The following ATRNL1 variants were observed in gnomAD, a reference collection of about 807,000 sequenced individuals.
ATRNL1 encodes attractin-like protein 1.
ATRNL1 carries 95 observed loss-of-function variants against 182.7 expected under a neutral mutation model. The ratio of observed to expected loss-of-function variants is 0.52; its 90% CI spans 0.44 to 0.62. ATRNL1 has a LOEUF of 0.62. Ranked by LOEUF, ATRNL1 falls within the 20% of genes least tolerant of loss-of-function variation. ATRNL1 has a pLI of 0.00. For synonymous variants in ATRNL1, 576 were observed against 568.3 expected, an observed-to-expected ratio of 1.01 and a Z score of -0.19; for missense variants, 1,471 against 1,679.5, an observed-to-expected ratio of 0.88 and a Z score of 2.17.
chr10:115,185,243 T>C (rs1847898135), intron 8 of ATRNL1, among the ~76,000 whole-genome samples: 3 of 152,046 alleles, frequency 2.0e-5, no homozygotes, highest in Admixed American at 6.6e-5. Context: ...GTGAGCACAC[T>C]GAGCACTCGT....
chr10:115,237,042 C>A (rs1554901595), intron 9 of ATRNL1, among the ~76,000 whole-genome samples: 1 of 152,234 alleles, frequency 6.6e-6, no homozygotes, highest in East Asian at 1.9e-4. Flanking sequence ...TAGCAATAAG[C>A]ATTTAAAGTT....
chr10:115,397,449 T>C (rs1249113218), intron 20 of ATRNL1, among the ~76,000 whole-genome samples: 2 of 152,012 alleles, frequency 1.3e-5, no homozygotes, highest in African/African-American at 4.8e-5. Flanking sequence ...ATTTCTTTTC[T>C]TGCATTATTT....
At chr10:115,537,029 G>C (rs1341150467) in intron 25 of ATRNL1, among the ~76,000 whole-genome samples, 5 of 152,156 alleles carry the variant, frequency 3.3e-5, no homozygotes, top group Admixed American at 6.5e-5. Context: ...CTGAAGATAT[G>C]GATTTTGCTA....
At chr10:115,100,159 C>T (rs961211114) in intron 1 of ATRNL1, among the ~76,000 whole-genome samples, 1 of 151,984 alleles carries the variant, frequency 6.6e-6, no homozygotes, top group South Asian at 2.1e-4. Context: ...CTGGTCGTGG[C>T]GGTGTGCGCA....
intron 26 of ATRNL1, among the ~76,000 whole-genome samples, chr10:115,684,448 G>T (rs1565283346): frequency 2.1e-5 from 3 of 143,166 alleles, no homozygotes; most frequent in East Asian, 2.0e-4. Flanking sequence ...AAAAGTTTCT[G>T]TTTTTTTTTT....
At chr10:115,629,124 A>G (rs17093384) in intron 26 of ATRNL1, among the ~76,000 whole-genome samples, 8,156 of 152,224 alleles carry the variant, frequency 0.054, 700 homozygotes, top group African/African-American at 0.18. Context: ...CATTATCCAC[A>G]ATGTTTTTAA....
At chr10:115,650,829 T>G (rs2133880531) in intron 26 of ATRNL1, among the ~76,000 whole-genome samples, 1 of 152,248 alleles carries the variant, frequency 6.6e-6, no homozygotes, top group African/African-American at 2.4e-5. Flanking sequence ...ATTTTTTCCT[T>G]ATTGACTTGT....
intron 12 of ATRNL1, among the ~76,000 whole-genome samples, chr10:115,267,794 GAC>G (rs1229210477): frequency 1.3e-5 from 2 of 151,894 alleles, no homozygotes; most frequent in East Asian, 1.9e-4. Flanking sequence ...TATTTTTTGA[GAC>G]AGAGTCTCAC....
At chr10:115,715,457 A>C (rs1340943817) in intron 26 of ATRNL1, among the ~76,000 whole-genome samples, 1 of 152,184 alleles carries the variant, frequency 6.6e-6, no homozygotes, top group Non-Finnish European at 1.5e-5. Flanking sequence ...CTGGAATATG[A>C]AAAAGCAATA....
chr10:115,325,486 T>C (rs1421066181), intron 18 of ATRNL1, among the ~76,000 whole-genome samples: 1 of 152,222 alleles, frequency 6.6e-6, no homozygotes, highest in Non-Finnish European at 1.5e-5. Flanking sequence ...CCATATTAGT[T>C]ATAAGGTGTG....
chr10:115,734,591 C>G (rs903587876), intron 27 of ATRNL1, among the ~76,000 whole-genome samples: 5 of 151,924 alleles, frequency 3.3e-5, no homozygotes, highest in Admixed American at 3.3e-4. Context: ...CGATATCTTT[C>G]TTCATCTTTC....
At position 115,121,765 on chromosome 10, in the gene ATRNL1, T is replaced by C; in HGVS notation, c.444T>C (p.Tyr148=). The change falls in exon 3 of 29, where the codon TAT becomes TAC. Residue 148 remains tyrosine, a synonymous_variant. Coordinates refer to ENST00000355044, the MANE Select transcript of ATRNL1 (RefSeq NM_207303.4). ...FATECSWDHM[Y]VYDGDSIYAP... Reference sequence around the variant, plus strand: ...CAGAATGTAGCTGGGATCATATGTATGTTTATGATGGAGATTCAATATATG... The same window carrying C: ...CAGAATGTAGCTGGGATCATATGTACGTTTATGATGGAGATTCAATATATG... 1.3e-6 allele frequency: 2 copies of C among 1,576,008 alleles called. No individual in the cohort carries two copies. The highest frequency in any genetic ancestry group is 1.7e-6 in the Non-Finnish European group (2 of 1,158,606).
intron 26 of ATRNL1, among the ~76,000 whole-genome samples, chr10:115,632,915 C>G: frequency 1.6e-5 from 1 of 64,084 alleles, no homozygotes; most frequent in Middle Eastern, 6.5e-3. Context: ...TTTTTTGAGA[C>G]AGAGTCTCAC....
intron 25 of ATRNL1, among the ~76,000 whole-genome samples, chr10:115,530,239 T>C (rs1255084086): frequency 6.6e-6 from 1 of 152,188 alleles, no homozygotes; most frequent in Non-Finnish European, 1.5e-5. Context: ...AAGTATATAA[T>C]TAGGAGTAGA....
intron 8 of ATRNL1, among the ~76,000 whole-genome samples, chr10:115,171,565 G>A (rs1847296208): frequency 6.6e-6 from 1 of 151,956 alleles, no homozygotes; most frequent in South Asian, 2.1e-4. Flanking sequence ...TGAAATTCCA[G>A]TAGGTGGTGC....
intron 26 of ATRNL1, among the ~76,000 whole-genome samples, chr10:115,577,610 T>TTGTGTG (rs3981280): frequency 0.11 from 14,786 of 134,854 alleles, 945 homozygotes; most frequent in Non-Finnish European, 0.14. Flanking sequence ...TTCTAACAGG[T>TTGTGTG]TGTGTGTGTG....
chr10:115,342,295 C>CT (rs1183301277), intron 19 of ATRNL1, among the ~76,000 whole-genome samples: 21 of 151,206 alleles, frequency 1.4e-4, no homozygotes, highest in Middle Eastern at 3.4e-3. Flanking sequence ...TAGTGAAGGC[C>CT]TTTTTTTTCC....
chr10:115,254,332 C>T (rs1554906179), intron 10 of ATRNL1, among the ~76,000 whole-genome samples: 1 of 152,188 alleles, frequency 6.6e-6, no homozygotes, highest in African/African-American at 2.4e-5. Context: ...GCCATTCTAA[C>T]TGGTGTGAGA....
At position 115,922,171 on chromosome 10, in the gene ATRNL1, C is replaced by A. The variant is rs114339056; in HGVS notation, c.4019-22487C>A. Among the ~76,000 whole-genome samples, 136 of 152,146 alleles carry A rather than the reference C, an allele frequency of 8.9e-4. 1 individual carries two copies. Among genetic ancestry groups the A allele is most frequent in the African/African-American group, 2.9e-3 (121 of 41,512 alleles). On this transcript the variant is annotated intron_variant, in intron 28 of 28. Transcript: ENST00000355044. ...TTGAAGTGAAGAAATTGTCTAGATG[C>A]GTATGGACAGTTTGACATTGTCTGA... is the stretch of plus-strand genomic sequence containing the variant.
Sources: allele counts gnomAD v4.1 joint callset (sites outside exome capture counted in the v4.1 genomes callset), GRCh38; gene constraint gnomAD v4.1.1; transcripts MANE v1.5; gene names NCBI Gene and HGNC (gene_info 2026-07-23, HGNC 2026-07-21).